ENO4: variants seen among roughly 807,000 people sequenced by gnomAD.
The protein encoded by ENO4 is enolase 4, also known as 2-phospho-D-glycerate hydro-lyase.
In ENO4, 53 loss-of-function variants were observed where a neutral mutation model predicts 63.2. The ratio of observed to expected loss-of-function variants is 0.84; its 90% CI spans 0.67 to 1.05. ENO4 has a LOEUF of 1.05. Among genes scored for constraint, ENO4 ranks in the 50% least tolerant of loss-of-function variants. The pLI, the probability that ENO4 is intolerant of heterozygous loss-of-function variation, is 0.00. For synonymous variants in ENO4, 266 were observed against 283.8 expected (o/e 0.94, Z 0.63); for missense variants, 719 against 772.0 (o/e 0.93, Z 0.81).
intron 11 of ENO4, among the ~76,000 whole-genome samples, chr10:116,877,251 G>C (rs1846864323): frequency 6.6e-6 from 1 of 152,082 alleles, no homozygotes; most frequent in Non-Finnish European, 1.5e-5. Context: ...TTATGCTCTA[G>C]ATTCTAGATA....
intron 10 of ENO4, among the ~76,000 whole-genome samples, chr10:116,890,711 T>A (rs1447390897): frequency 1.3e-5 from 2 of 152,234 alleles, no homozygotes; most frequent in African/African-American, 4.8e-5. Context: ...ATTGTGCCCC[T>A]ACTGCAAGAG....
chr10:116,881,753 G>A lies in ENO4; in HGVS notation c.*84G>A. On this transcript the variant is annotated 3_prime_UTR_variant, in exon 14 of 14. Transcript: ENST00000341276. ...AAGTACGGCGCCGTGTCTCCACATG[G>A]AGTTTCCTCTTCAACTTCACCAACT... 9.4e-7 allele frequency: 1 copy of A among 1,068,430 alleles called. No individual in the cohort carries two copies. Among genetic ancestry groups the A allele is most frequent in the South Asian group, 3.5e-5 (1 of 28,238 alleles). 66.2% of individuals were successfully genotyped at this position (1,068,430 alleles called of 1,614,324 possible).
Position 116,865,624 on chromosome 10 carries a change from A to G in ENO4, c.990+2772A>G, listed in dbSNP as rs1026765944. Among the ~76,000 whole-genome samples the G allele has an allele frequency of 4.6e-5, 7 of 152,206 alleles. No individual in the cohort carries two copies. In the East Asian group the frequency reaches 1.3e-3, roughly 29 times the overall value. ...CTGTTCTTTTAAGGCAGTGACTCTC[A>G]ACCAGCAGTGATTTTGCCCAGGGGA... is the stretch of plus-strand genomic sequence containing the variant. On this transcript the variant is annotated intron_variant, in intron 7 of 13. Transcript: ENST00000341276.
Position 116,881,548 on chromosome 10 carries a change from A to G in ENO4, c.1757A>G (p.Asn586Ser). 6.5e-7 allele frequency: 1 copy of G among 1,546,920 alleles called. No homozygotes were observed. The highest frequency in any genetic ancestry group is 8.7e-7 in the Non-Finnish European group (1 of 1,146,030). The change falls in exon 14 of 14, where the codon AAT (asparagine) becomes AGT (serine). Residue 586 changes from asparagine (N) to serine (S), a missense_variant. Physicochemically the swap from Asn to Ser is conservative, Grantham distance 46. Transcript: ENST00000341276. ...GAAGAACACACTTTTTTTTACTTTA[A>G]TGAGGAAGCTGAAAAGGCTGCGGAG... is the stretch of plus-strand genomic sequence containing the variant. ...FKEEHTFFYFNEEAEKAAEAL... is the reference protein window; with the variant it reads ...FKEEHTFFYFSEEAEKAAEAL...
intron 10 of ENO4, chr10:116,901,833 G>A (rs1847749600): frequency 1.2e-6 from 2 of 1,604,558 alleles, no homozygotes; most frequent in East Asian, 2.2e-5. Context: ...CAGGTGTTGG[G>A]GGGGACGGGC....
At chr10:116,886,155 G>T (rs1847156065), downstream of ENO4, 1 of 773,754 alleles carries the variant, frequency 1.3e-6, no homozygotes, top group Non-Finnish European at 2.0e-6. Flanking sequence ...AACCTACTAG[G>T]AATGTGTGTT....
chr10:116,905,056 C>A (rs1261202414), intron 10 of ENO4, among the ~76,000 whole-genome samples: 2 of 151,548 alleles, frequency 1.3e-5, no homozygotes, highest in East Asian at 3.9e-4. Context: ...AAAAAATTAG[C>A]CGGGCGCGGT....
At chr10:116,859,404 G>A (rs1478252497) in intron 4 of ENO4, among the ~76,000 whole-genome samples, 1 of 152,102 alleles carries the variant, frequency 6.6e-6, no homozygotes, top group Admixed American at 6.6e-5. Flanking sequence ...CCAAATTGGG[G>A]GTAGAGTGGG....
chr10:116,860,246 TG>T (rs778519260), intron 4 of ENO4, among the ~76,000 whole-genome samples: 1 of 152,060 alleles, frequency 6.6e-6, no homozygotes, highest in Non-Finnish European at 1.5e-5. Context: ...CATATTCTAG[TG>T]AAAGATGGGT....
intron 1 of ENO4, among the ~76,000 whole-genome samples, chr10:116,853,164 G>C (rs936474755): frequency 6.6e-6 from 1 of 151,926 alleles, no homozygotes; most frequent in East Asian, 1.9e-4. Flanking sequence ...GAGTGGTGTC[G>C]GGCGACTGTA....
At chr10:116,875,935 A>C (rs1261317839) in intron 10 of ENO4, 130 bp from the exon 11 acceptor site, 1 of 606,596 alleles carries the variant, frequency 1.6e-6, no homozygotes, top group African/African-American at 1.9e-5. Flanking sequence ...ATTCAGGAAC[A>C]GAAGTAAAAG....
At chr10:116,903,191 T>C (rs899757437) in intron 10 of ENO4, among the ~76,000 whole-genome samples, 2 of 152,196 alleles carry the variant, frequency 1.3e-5, no homozygotes, top group Non-Finnish European at 2.9e-5. Flanking sequence ...AATTCACCTA[T>C]ACTCTCTAGG....
At chr10:116,910,783 C>T (rs1392842339) in intron 10 of ENO4, among the ~76,000 whole-genome samples, 2 of 152,198 alleles carry the variant, frequency 1.3e-5, no homozygotes, top group Non-Finnish European at 2.9e-5. Context: ...TAGATAATCA[C>T]CACATGCTTT....
chr10:116,857,538 T>G (rs1007449706), intron 3 of ENO4, among the ~76,000 whole-genome samples: 1 of 152,236 alleles, frequency 6.6e-6, no homozygotes, highest in Non-Finnish European at 1.5e-5. Flanking sequence ...CTTTGGCCAA[T>G]AGAAGGTCAA....
intron 7 of ENO4, among the ~76,000 whole-genome samples, chr10:116,864,913 G>A (rs184664009): frequency 3.4e-4 from 52 of 152,094 alleles, no homozygotes; most frequent in African/African-American, 1.1e-3. Flanking sequence ...CCAGCTACTC[G>A]GGAGGCTGAG....
intron 10 of ENO4, among the ~76,000 whole-genome samples, chr10:116,895,687 C>G (rs755130362): frequency 3.9e-5 from 6 of 152,156 alleles, no homozygotes; most frequent in Non-Finnish European, 8.8e-5. Context: ...TCTTTTCTTT[C>G]TCCTTCCTTA....
At chr10:116,894,645 G>A (rs1159913497) in intron 10 of ENO4, among the ~76,000 whole-genome samples, 2 of 152,112 alleles carry the variant, frequency 1.3e-5, no homozygotes, top group Non-Finnish European at 2.9e-5. Flanking sequence ...CTTTCGAAGG[G>A]CTTCTCCCTT....
chr10:116,887,694 G>C (rs1049927081), intron 10 of ENO4, among the ~76,000 whole-genome samples: 1 of 152,154 alleles, frequency 6.6e-6, no homozygotes, highest in Non-Finnish European at 1.5e-5. Flanking sequence ...TTTCCTGTCT[G>C]TCTCTTCCAA....
chr10:116,854,013 C>G (rs1846173319), intron 1 of ENO4, among the ~76,000 whole-genome samples: 1 of 152,204 alleles, frequency 6.6e-6, no homozygotes, highest in African/African-American at 2.4e-5. Flanking sequence ...CTCCTCTGCA[C>G]AGAAACACCT....
Sources: allele counts gnomAD v4.1 joint callset (sites outside exome capture counted in the v4.1 genomes callset), GRCh38; gene constraint gnomAD v4.1.1; transcripts MANE v1.5; gene names NCBI Gene and HGNC (gene_info 2026-07-23, HGNC 2026-07-21).